PECR: variants seen among roughly 807,000 people sequenced by gnomAD.
PECR encodes the protein peroxisomal trans-2-enoyl-CoA reductase, also known as 2,4-dienoyl-CoA reductase-related protein.
A neutral mutation model predicts 35.3 loss-of-function variants in PECR; 30 were observed. That is an observed-to-expected ratio of 0.85 (90% CI 0.64 to 1.15). The LOEUF (loss-of-function observed/expected upper bound fraction) is 1.15, where lower values mean the gene tolerates loss of function less well. Ranked by LOEUF, PECR falls within the 50% of genes most tolerant of loss-of-function variation. The pLI, the probability that PECR is intolerant of heterozygous loss-of-function variation, is 0.00. For missense variants in PECR, 392 were observed against 370.8 expected (o/e 1.06, Z -0.47); for synonymous variants, 148 against 138.9 (o/e 1.07, Z -0.46).
chr2:216,081,710 A>G lies in PECR; in HGVS notation c.32T>C (p.Leu11Pro). 6.2e-7 allele frequency: 1 copy of G among 1,613,542 alleles called. No homozygotes were observed. Among genetic ancestry groups the G allele is most frequent in the Non-Finnish European group, 8.5e-7 (1 of 1,179,932 alleles). The change falls in exon 1 of 8, where the codon CTG (leucine) becomes CCG (proline). Residue 11 changes from leucine (L) to proline (P), a missense_variant. Transcript: ENST00000265322. Reference protein sequence around the residue: MASWAKGRSYLAPGLLQGQVA... With the variant: MASWAKGRSYPAPGLLQGQVA... The stretch of plus-strand genomic sequence containing the variant: ...TTGGCCCTGCAGCAAACCAGGCGCC[A>G]GGTAGCTCCTGCCCTTAGCCCAGGA...
chr2:216,055,500 A>C lies in PECR; in HGVS notation c.506+3395T>G, dbSNP rs146099188. ...AAAAAAAAACACTTGTAATAGGACT[A>C]AACCTAGTACATAAATATTCCCAAA... On this transcript the variant is annotated intron_variant, in intron 4 of 7. Transcript: ENST00000265322. Among the ~76,000 whole-genome samples the C allele has an allele frequency of 4.2e-3, 644 of 152,122 alleles. 8 individuals carry two copies. The highest frequency in any genetic ancestry group is 0.014 in the African/African-American group (595 of 41,470).
At chr2:216,063,002 T>G (rs1328757976) in intron 3 of PECR, among the ~76,000 whole-genome samples, 1 of 152,250 alleles carries the variant, frequency 6.6e-6, no homozygotes, top group Non-Finnish European at 1.5e-5. Flanking sequence ...GACACATTTC[T>G]CAGAACAAAT....
chr2:216,056,132 TG>T (rs1695220779), intron 4 of PECR, among the ~76,000 whole-genome samples: 1 of 152,158 alleles, frequency 6.6e-6, no homozygotes. Flanking sequence ...CCTCAGAGTG[TG>T]GATGGTATCT....
intron 2 of PECR, 92 bp from the exon 3 acceptor site, chr2:216,065,569 A>G: frequency 5.1e-6 from 4 of 787,682 alleles, no homozygotes; most frequent in South Asian, 2.8e-5. Flanking sequence ...AGAGTTTGCA[A>G]TCTCTCACAG....
intron 3 of PECR, among the ~76,000 whole-genome samples, chr2:216,063,540 C>G (rs1021470031): frequency 2.0e-5 from 3 of 151,846 alleles, no homozygotes; most frequent in African/African-American, 7.3e-5. Flanking sequence ...ATTGCTTGAA[C>G]CCAGGAGGTG....
chr2:216,079,155 TTTTTTTTTTTTTAACTAAAAACATAGA>T, intron 1 of PECR, among the ~76,000 whole-genome samples: 1 of 151,436 alleles, frequency 6.6e-6, no homozygotes, highest in Middle Eastern at 3.2e-3. Flanking sequence ...TTTTTGCTTT[TTTTTTTTTTTTTAACTAAAAACATAGA>T]TTTTTTTTTT....
downstream of PECR, among the ~76,000 whole-genome samples, chr2:216,038,086 AAAAT>A (rs555404475): frequency 2.6e-5 from 4 of 151,810 alleles, no homozygotes; most frequent in South Asian, 2.1e-4. Context: ...CTCCATCTTA[AAAAT>A]AAATAAATAA....
chr2:216,078,268 A>C (rs565219128), intron 1 of PECR, among the ~76,000 whole-genome samples: 12 of 152,010 alleles, frequency 7.9e-5, no homozygotes, highest in Admixed American at 1.3e-4. Context: ...CCAAAACCCC[A>C]TCTCTAGTAA....
intron 3 of PECR, among the ~76,000 whole-genome samples, chr2:216,061,226 C>T (rs1054781463): frequency 7.6e-6 from 1 of 132,080 alleles, no homozygotes; most frequent in South Asian, 2.4e-4. Flanking sequence ...GTGGAAGAAT[C>T]GATTGAGCCC....
intron 4 of PECR, among the ~76,000 whole-genome samples, chr2:216,052,299 T>C (rs933203922): frequency 2.0e-5 from 3 of 152,246 alleles, no homozygotes; most frequent in Admixed American, 6.5e-5. Flanking sequence ...AATTAACTTA[T>C]ACAACTAATT....
At position 216,043,058 on chromosome 2, in the gene PECR, CGTATATATGTATGTAT is replaced by C. The variant is rs1398450227; in HGVS notation, c.826+830_826+845del. ...GTATGTGTATATATATATACACATA[CGTATATATGTATGTAT>C]ATATATACACATACATATATATGTA... On this transcript the variant is annotated intron_variant, in intron 7 of 7. Coordinates refer to ENST00000265322, the MANE Select transcript of PECR (RefSeq NM_018441.6). 6.0e-4 allele frequency among the ~76,000 whole-genome samples: 56 copies of C among 93,422 alleles called. 2 individuals carry two copies. The highest frequency in any genetic ancestry group is 3.0e-3 in the Admixed American group (25 of 8,368). 61.3% of individuals were successfully genotyped at this position (93,422 alleles called of 152,430 possible).
At chr2:216,068,532 A>C (rs1695517491) in intron 1 of PECR, among the ~76,000 whole-genome samples, 1 of 152,208 alleles carries the variant, frequency 6.6e-6, no homozygotes, top group Admixed American at 6.5e-5. Context: ...GAATTCATCA[A>C]GGTGATCTGC....
intron 1 of PECR, among the ~76,000 whole-genome samples, chr2:216,071,449 G>A (rs12468952): frequency 0.46 from 69,411 of 151,170 alleles, 18,016 homozygotes; most frequent in African/African-American, 0.7. Context: ...GTATAGCAAA[G>A]AAAAAAAATC....
intron 1 of PECR, among the ~76,000 whole-genome samples, chr2:216,075,498 A>G (rs533464707): frequency 3.9e-5 from 6 of 152,326 alleles, no homozygotes; most frequent in African/African-American, 1.4e-4. Flanking sequence ...GTTTTAATTT[A>G]TTGCAAACCT....
At chr2:216,030,966 A>T (rs1195454854) in intron 7 of PECR, among the ~76,000 whole-genome samples, 1 of 149,258 alleles carries the variant, frequency 6.7e-6, no homozygotes, top group African/African-American at 2.5e-5. Context: ...TCACACACAC[A>T]CACACACACA....
At chr2:216,045,041 C>G (rs1056645074) in intron 6 of PECR, among the ~76,000 whole-genome samples, 1 of 152,168 alleles carries the variant, frequency 6.6e-6, no homozygotes, top group Non-Finnish European at 1.5e-5. Context: ...TAGGGTGAGG[C>G]AAATAAGGTG....
intron 3 of PECR, among the ~76,000 whole-genome samples, chr2:216,063,684 C>CA (rs1192123774): frequency 6.6e-6 from 1 of 151,802 alleles, no homozygotes; most frequent in Non-Finnish European, 1.5e-5. Context: ...TAAGTAAAAG[C>CA]AAAAATAATA....
chr2:216,031,534 A>G (rs139630651), intron 7 of PECR, among the ~76,000 whole-genome samples: 42 of 149,690 alleles, frequency 2.8e-4, no homozygotes, highest in Middle Eastern at 6.8e-3. Flanking sequence ...AAGAAAAGAA[A>G]GAAGGAAGGA....
chr2:216,054,888 G>A (rs187978933), intron 4 of PECR, among the ~76,000 whole-genome samples: 38 of 146,230 alleles, frequency 2.6e-4, no homozygotes, highest in East Asian at 1.7e-3. Context: ...CGAGGCAGGC[G>A]GATCACAAGG....
Sources: gnomAD v4.1 joint callset for allele counts (sites outside exome capture counted in the v4.1 genomes callset) on GRCh38, gnomAD v4.1.1 for gene constraint, MANE v1.5 for transcripts, NCBI Gene and HGNC (gene_info 2026-07-23, HGNC 2026-07-21) for gene names.